CTNNA3: variants seen among roughly 807,000 people sequenced by gnomAD.
CTNNA3 encodes the protein catenin alpha 3.
Under a neutral mutation model 95.7 loss-of-function variants are expected in CTNNA3, and 76 were observed. The observed-to-expected ratio is 0.79, with a 90% CI of 0.66 to 0.96. CTNNA3 has a LOEUF of 0.96. Among genes scored for constraint, CTNNA3 ranks in the 40% least tolerant of loss-of-function variants. The pLI is 0.00. For synonymous variants in CTNNA3, 431 were observed against 374.4 expected, an observed-to-expected ratio of 1.15 and a Z score of -1.74; for missense variants, 1,191 against 1,089.8, an observed-to-expected ratio of 1.09 and a Z score of -1.31.
At chr10:67,417,725 T>C (rs1432764753) in intron 5 of CTNNA3, among the ~76,000 whole-genome samples, 1 of 152,168 alleles carries the variant, frequency 6.6e-6, no homozygotes. Flanking sequence ...CCAGTTTGGA[T>C]TGGGTTAAAT....
chr10:66,487,479 ACGCCCCAAAGTGCTGAGATTACAGG>A (rs1463951272), intron 11 of CTNNA3, among the ~76,000 whole-genome samples: 2 of 151,734 alleles, frequency 1.3e-5, no homozygotes, highest in Admixed American at 6.6e-5. Flanking sequence ...GGGATTACAG[ACGCCCCAAAGTGCTGAGATTACAGG>A]CGCGGAGCCA....
At chr10:66,462,520 T>C (rs1438049616) in intron 11 of CTNNA3, among the ~76,000 whole-genome samples, 1 of 152,144 alleles carries the variant, frequency 6.6e-6, no homozygotes, top group Non-Finnish European at 1.5e-5. Flanking sequence ...TTCCATTTAT[T>C]AATATCATTC....
At chr10:67,147,050 G>T (rs1860882817) in intron 7 of CTNNA3, among the ~76,000 whole-genome samples, 1 of 152,122 alleles carries the variant, frequency 6.6e-6, no homozygotes, top group Non-Finnish European at 1.5e-5. Flanking sequence ...TGACAAAATT[G>T]CCAAAGGACA....
chr10:67,649,967 G>A (rs1839829955), intron 1 of CTNNA3, among the ~76,000 whole-genome samples: 1 of 152,150 alleles, frequency 6.6e-6, no homozygotes, highest in South Asian at 2.1e-4. Flanking sequence ...AGCCTCCCAA[G>A]TAGCTGGGAT....
At chr10:66,162,885 C>A (rs2084923148) in intron 13 of CTNNA3, among the ~76,000 whole-genome samples, 1 of 149,590 alleles carries the variant, frequency 6.7e-6, no homozygotes, top group Non-Finnish European at 1.5e-5. Context: ...GGTCTTGCTG[C>A]AGCTGCTGTG....
At chr10:67,232,735 G>A (rs1865275826) in intron 5 of CTNNA3, among the ~76,000 whole-genome samples, 1 of 151,756 alleles carries the variant, frequency 6.6e-6, no homozygotes, top group South Asian at 2.1e-4. Context: ...AAAGAATCAA[G>A]ACCCATCAGT....
chr10:67,186,044 A>AC (rs1251270404), intron 6 of CTNNA3, among the ~76,000 whole-genome samples: 143 of 149,550 alleles, frequency 9.6e-4, no homozygotes, highest in African/African-American at 2.9e-3. Context: ...AAAAAAAAAA[A>AC]AATTAAACCA....
chr10:67,242,800 A>T (rs1252920349), intron 5 of CTNNA3, among the ~76,000 whole-genome samples: 1 of 152,240 alleles, frequency 6.6e-6, no homozygotes, highest in Non-Finnish European at 1.5e-5. Flanking sequence ...AGTCTGCCTC[A>T]TTTTAATGGA....
chr10:66,952,238 G>A (rs915663974), intron 7 of CTNNA3, among the ~76,000 whole-genome samples: 10 of 152,180 alleles, frequency 6.6e-5, no homozygotes, highest in South Asian at 4.1e-4. Context: ...AATACTCATT[G>A]TAATTGAAAC....
chr10:66,608,122 C>T (rs142890745), intron 10 of CTNNA3, among the ~76,000 whole-genome samples: 271 of 152,204 alleles, frequency 1.8e-3, no homozygotes, highest in African/African-American at 5.9e-3. Context: ...AATTAATGTA[C>T]ACAAATCACT....
intron 12 of CTNNA3, among the ~76,000 whole-genome samples, chr10:66,368,624 T>C (rs1233198088): frequency 6.6e-6 from 1 of 152,062 alleles, no homozygotes; most frequent in East Asian, 1.9e-4. Flanking sequence ...TTGATTGTAA[T>C]TGTGGAGATA....
intron 9 of CTNNA3, among the ~76,000 whole-genome samples, chr10:66,716,756 A>G (rs1178233220): frequency 6.6e-6 from 1 of 152,166 alleles, no homozygotes; most frequent in Non-Finnish European, 1.5e-5. Context: ...TTGAGTTTTA[A>G]GGTGCTATCC....
At chr10:67,582,929 C>T (rs1842462727) in intron 3 of CTNNA3, among the ~76,000 whole-genome samples, 2 of 151,930 alleles carry the variant, frequency 1.3e-5, no homozygotes, top group African/African-American at 4.8e-5. Flanking sequence ...TTCCTCCATC[C>T]CTTTATTTTG....
At chr10:66,263,466 A>G (rs569217948) in intron 13 of CTNNA3, among the ~76,000 whole-genome samples, 2 of 152,178 alleles carry the variant, frequency 1.3e-5, no homozygotes, top group South Asian at 4.1e-4. Flanking sequence ...TATATAAAGT[A>G]TAAAGAGACC....
At chr10:67,390,570 T>C (rs1395371954) in intron 5 of CTNNA3, among the ~76,000 whole-genome samples, 2 of 151,214 alleles carry the variant, frequency 1.3e-5, no homozygotes, top group Non-Finnish European at 3.0e-5. Flanking sequence ...CCAGCATCAT[T>C]CTGATACCAA....
intron 3 of CTNNA3, among the ~76,000 whole-genome samples, chr10:67,601,402 C>T (rs1485226700): frequency 6.6e-6 from 1 of 152,134 alleles, no homozygotes; most frequent in Non-Finnish European, 1.5e-5. Context: ...ATAGGGCTCA[C>T]ACTCCTATGA....
At chr10:66,473,109 A>C (rs1037855049) in intron 11 of CTNNA3, among the ~76,000 whole-genome samples, 1 of 152,032 alleles carries the variant, frequency 6.6e-6, no homozygotes, top group Admixed American at 6.6e-5. Context: ...TAATAAAATG[A>C]GAGTATTAGC....
chr10:66,718,637 A>G (rs531081320), intron 9 of CTNNA3, among the ~76,000 whole-genome samples: 1 of 149,308 alleles, frequency 6.7e-6, no homozygotes, highest in African/African-American at 2.4e-5. Flanking sequence ...ATATAATAAT[A>G]TAATGTAAAT....
intron 13 of CTNNA3, among the ~76,000 whole-genome samples, chr10:66,176,910 T>C (rs2085740140): frequency 6.6e-6 from 1 of 151,934 alleles, no homozygotes. Flanking sequence ...GATTGTGAAA[T>C]ATTTTTAAAT....
Sources: allele counts gnomAD v4.1 joint callset (sites outside exome capture counted in the v4.1 genomes callset), GRCh38; gene constraint gnomAD v4.1.1; transcripts MANE v1.5; gene names NCBI Gene and HGNC (gene_info 2026-07-23, HGNC 2026-07-21).